The following FAF1 variants were observed in gnomAD, a reference collection of about 807,000 sequenced individuals.
FAF1 encodes Fas associated factor 1.
Under a neutral mutation model 92.5 loss-of-function variants are expected in FAF1, and 25 were observed. The observed-to-expected ratio is 0.27, with a 90% CI of 0.20 to 0.38. FAF1 has a LOEUF of 0.38. Among genes scored for constraint, FAF1 ranks in the 10% least tolerant of loss-of-function variants. The pLI is 1.00. For missense variants in FAF1, 636 were observed against 793.3 expected, an observed-to-expected ratio of 0.80 and a Z score of 2.38; for synonymous variants, 234 against 273.2, an observed-to-expected ratio of 0.86 and a Z score of 1.42.
At chr1:50,718,575 T>C (rs1658285056) in intron 6 of FAF1, among the ~76,000 whole-genome samples, 1 of 152,226 alleles carries the variant, frequency 6.6e-6, no homozygotes, top group African/African-American at 2.4e-5. Flanking sequence ...TAAACAAAAA[T>C]AACAATTTAA....
chr1:50,456,969 A>G (rs4926554), intron 18 of FAF1, among the ~76,000 whole-genome samples: 1,556 of 152,260 alleles, frequency 0.01, 39 homozygotes, highest in East Asian at 0.015. Flanking sequence ...TGTAAACTTG[A>G]ACCAGCCATT....
intron 2 of FAF1, among the ~76,000 whole-genome samples, chr1:50,802,112 T>TG (rs914860253): frequency 1.3e-5 from 2 of 151,912 alleles, no homozygotes; most frequent in Admixed American, 6.5e-5. Flanking sequence ...TTTTTTGAGA[T>TG]GGAGTTTCAC....
At chr1:50,621,952 G>A (rs1037875498) in intron 8 of FAF1, among the ~76,000 whole-genome samples, 5 of 152,074 alleles carry the variant, frequency 3.3e-5, no homozygotes, top group Admixed American at 3.3e-4. Flanking sequence ...GATGGCCTGA[G>A]GTCGGAAGTT....
At chr1:50,950,472 ATC>A (rs1645205833) in intron 1 of FAF1, among the ~76,000 whole-genome samples, 1 of 152,314 alleles carries the variant, frequency 6.6e-6, no homozygotes, top group East Asian at 1.9e-4. Flanking sequence ...TCAACTACTC[ATC>A]TCTGTCACTC....
chr1:50,535,551 T>C, intron 14 of FAF1, 94 bp from the exon 15 acceptor site: 2 of 669,706 alleles, frequency 3.0e-6, no homozygotes, highest in Admixed American at 5.2e-5. Flanking sequence ...CATTCTAGAA[T>C]TAACCAGAAA....
chr1:50,951,945 A>G (rs1350290828), intron 1 of FAF1, among the ~76,000 whole-genome samples: 3 of 152,252 alleles, frequency 2.0e-5, no homozygotes, highest in Non-Finnish European at 4.4e-5. Flanking sequence ...AGAAAATATT[A>G]TAAACGGACA....
intron 8 of FAF1, among the ~76,000 whole-genome samples, chr1:50,649,321 T>C (rs1406432953): frequency 2.0e-5 from 3 of 151,888 alleles, no homozygotes; most frequent in Non-Finnish European, 2.9e-5. Context: ...CTGGCTAATT[T>C]TGTATTTTCA....
chr1:50,771,980 G>A (rs113080090), intron 4 of FAF1, among the ~76,000 whole-genome samples: 1 of 152,098 alleles, frequency 6.6e-6, no homozygotes, highest in African/African-American at 2.4e-5. Context: ...AAAATTGACA[G>A]AAGTAGAGCC....
At chr1:50,690,983 A>T (rs1466251029) in intron 7 of FAF1, among the ~76,000 whole-genome samples, 3 of 152,166 alleles carry the variant, frequency 2.0e-5, no homozygotes, top group African/African-American at 7.2e-5. Flanking sequence ...CCATTCATTC[A>T]TTAGTGGACT....
chr1:50,716,323 A>G (rs1233953429), intron 6 of FAF1, among the ~76,000 whole-genome samples: 1 of 152,206 alleles, frequency 6.6e-6, no homozygotes, highest in Non-Finnish European at 1.5e-5. Context: ...CAGAAGAATT[A>G]GCTAAACTAA....
At chr1:50,878,630 AT>A (rs1326743197) in intron 1 of FAF1, among the ~76,000 whole-genome samples, 1 of 152,232 alleles carries the variant, frequency 6.6e-6, no homozygotes, top group African/African-American at 2.4e-5. Context: ...CTAAGAAGTT[AT>A]TTATGATGAG....
In FAF1 at chr1:50,801,662, C is replaced by G. The variant is rs1468475395; in HGVS notation, c.130G>C (p.Val44Leu). 6.3e-7 allele frequency: 1 copy of G among 1,595,874 alleles called. No individual in the cohort carries two copies. The highest frequency in any genetic ancestry group is 8.6e-7 in the Non-Finnish European group (1 of 1,164,034). ...NWDLVAAINGVIPQENGILQS... is the reference protein window; with the variant it reads ...NWDLVAAINGLIPQENGILQS... ...AGAATGCCATTTTCCTGTGGTATTA[C>G]ACCATTGATAGCTGCCTGCAAACAA... Residue 44 changes from valine to leucine, a missense_variant, in exon 3 of 19, where the codon GTA becomes CTA. Val to Leu is a conservative substitution (Grantham distance 32, BLOSUM62 1). Coordinates refer to ENST00000396153, the MANE Select transcript of FAF1 (RefSeq NM_007051.3).
At chr1:50,689,514 G>A (rs947645230) in intron 7 of FAF1, among the ~76,000 whole-genome samples, 13 of 152,146 alleles carry the variant, frequency 8.5e-5, no homozygotes, top group Admixed American at 3.3e-4. Flanking sequence ...GACCCGGGAG[G>A]CAGAGGTTGC....
Position 50,650,208 on chromosome 1 carries a change from C to T in FAF1, c.744+5234G>A, listed in dbSNP as rs187904751. ...CTGAGGCAGGAGAATCGTTTGAATC[C>T]GGAAAGCAGAGGCTGCGGTGAGCCG... On this transcript the variant is annotated intron_variant, in intron 8 of 18. Transcript: ENST00000396153. Among the ~76,000 whole-genome samples the T allele has an allele frequency of 6.1e-5, 9 of 147,542 alleles. No individual in the cohort carries two copies. In the East Asian group the frequency reaches 1.2e-3, roughly 20 times the overall value.
intron 1 of FAF1, among the ~76,000 whole-genome samples, chr1:50,950,930 T>G (rs1570178479): frequency 6.6e-6 from 1 of 152,230 alleles, no homozygotes; most frequent in South Asian, 2.1e-4. Context: ...TATATGTACC[T>G]GGATAAAATA....
At chr1:50,868,530 G>GT (rs1312049571) in intron 1 of FAF1, among the ~76,000 whole-genome samples, 1 of 151,990 alleles carries the variant, frequency 6.6e-6, no homozygotes, top group African/African-American at 2.4e-5. Context: ...CCCTTCTAAT[G>GT]TAAGCATTTA....
chr1:50,603,403 T>C (rs1652237230), intron 8 of FAF1, among the ~76,000 whole-genome samples: 1 of 152,204 alleles, frequency 6.6e-6, no homozygotes, highest in Admixed American at 6.5e-5. Context: ...AGTTTTCTAT[T>C]ACATCACATT....
chr1:50,662,338 A>C lies in FAF1; in HGVS notation c.658-6810T>G, dbSNP rs188227883. ...TCTAAATGAATTCTTCATTCTAATA[A>C]CTGTAACTTAGTTTTGCTTTGTACC... On this transcript the variant is annotated intron_variant, in intron 7 of 18. Coordinates refer to ENST00000396153, the MANE Select transcript of FAF1 (RefSeq NM_007051.3). Among the ~76,000 whole-genome samples, 59 of 152,326 alleles carry C rather than the reference A, an allele frequency of 3.9e-4. No individual in the cohort carries two copies. The East Asian group carries it at 9.1e-3, about 23-fold the overall frequency.
intron 6 of FAF1, among the ~76,000 whole-genome samples, chr1:50,709,643 C>T (rs1020098605): frequency 6.6e-6 from 1 of 152,102 alleles, no homozygotes; most frequent in Non-Finnish European, 1.5e-5. Flanking sequence ...CAGCCCCTAA[C>T]CTATATTTGA....
Sources: allele counts gnomAD v4.1 joint callset (sites outside exome capture counted in the v4.1 genomes callset), GRCh38; gene constraint gnomAD v4.1.1; transcripts MANE v1.5; gene names NCBI Gene and HGNC (gene_info 2026-07-23, HGNC 2026-07-21).